ROGDI: variants seen among roughly 807,000 people sequenced by gnomAD.
ROGDI encodes rogdi atypical leucine zipper.
ROGDI carries 46 observed loss-of-function variants against 43.1 expected under a neutral mutation model. The ratio of observed to expected loss-of-function variants is 1.07; its 90% CI spans 0.84 to 1.37. The LOEUF (loss-of-function observed/expected upper bound fraction) is 1.37. ROGDI is among the 40% of genes most tolerant of loss of function. The probability of loss-of-function intolerance (pLI) is 0.00; values close to 1 mark genes in which losing one functional copy is unlikely to be tolerated. For synonymous variants in ROGDI, 243 were observed against 162.0 expected (o/e 1.50, Z -3.80); for missense variants, 518 against 383.9 (o/e 1.35, Z -2.92).
chr16:4,799,887 C>T, intron 5 of ROGDI, 106 bp from the exon 6 acceptor site: 1 of 785,666 alleles, frequency 1.3e-6, no homozygotes, highest in Non-Finnish European at 2.1e-6. Flanking sequence ...TCCACACTGT[C>T]ATCCCTGTGC....
intron 7 of ROGDI, 48 bp from the exon 8 acceptor site, chr16:4,798,232 C>G (rs765163435): frequency 1.3e-6 from 2 of 1,494,626 alleles, no homozygotes; most frequent in African/African-American, 1.4e-5. Flanking sequence ...CCAGCCCAGG[C>G]TGGATGGAGC....
intron 5 of ROGDI, 32 bp from the exon 6 acceptor site, chr16:4,799,813 C>G: frequency 3.3e-6 from 5 of 1,530,302 alleles, no homozygotes; most frequent in Non-Finnish European, 4.5e-6. Context: ...AGGGGTCACG[C>G]CAGCTTCCAT....
chr16:4,800,531 G>A lies in ROGDI; in HGVS notation c.303C>T (p.Ala101=), dbSNP rs760445194. Residue 101 remains alanine, a synonymous_variant, in exon 5 of 11, where the codon GCC becomes GCT. Coordinates refer to ENST00000322048, the MANE Select transcript of ROGDI (RefSeq NM_024589.3). ...MPRNNQLLHF[A]FREDKQWKLQ... ...GCTTCCACTGCTTGTCCTCCCGGAA[G>A]GCGAAGTGCAGCAGCTGGTTGTTCC... The A allele has an allele frequency of 2.6e-6, 4 of 1,563,822 alleles. No homozygotes were observed. The highest frequency in any genetic ancestry group is 3.5e-6 in the Non-Finnish European group (4 of 1,153,412).
At chr16:4,801,621 C>G in intron 2 of ROGDI, 36 bp from the exon 3 acceptor site, 1 of 1,540,346 alleles carries the variant, frequency 6.5e-7, no homozygotes, top group Non-Finnish European at 8.8e-7. Context: ...GCTGGTAGCG[C>G]CCACTCAGGC....
chr16:4,797,036 A>G lies in ROGDI; in HGVS notation c.*424T>C, dbSNP rs1293140949. On this transcript the variant is annotated 3_prime_UTR_variant, in exon 11 of 11. Transcript: ENST00000322048. Reference sequence around the variant, plus strand: ...GCTATGAAACACAGTCACCAGCACTATACTCACTCCTAGGGTGGCTCTGTC... The same window carrying G: ...GCTATGAAACACAGTCACCAGCACTGTACTCACTCCTAGGGTGGCTCTGTC... 1 of 192,876 alleles carries G rather than the reference A, an allele frequency of 5.2e-6. No individual in the cohort carries two copies. The highest frequency in any genetic ancestry group is 2.3e-5 in the African/African-American group (1 of 42,748). The allele number at this position is 192,876 out of a possible 1,614,324, so 11.9% of individuals were successfully genotyped here.
chr16:4,799,219 G>C (rs369127160), intron 6 of ROGDI, among the ~76,000 whole-genome samples: 5 of 152,110 alleles, frequency 3.3e-5, no homozygotes, highest in Non-Finnish European at 7.4e-5. Context: ...CAGGAAACAC[G>C]TAAGAGCTGA....
Position 4,798,568 on chromosome 16 carries a change from C to T in ROGDI, c.531+1G>A. On this transcript the variant is annotated splice_donor_variant, in intron 7 of 10. Transcript: ENST00000322048. LOFTEE classifies it high-confidence loss of function. The stretch of plus-strand genomic sequence containing the variant: ...CAGCAGGGGCTGGCAGGGGCACTGA[C>T]CGTGAGGCCGCTGGCGGCGATCTCG... 6.4e-7 allele frequency: 1 copy of T among 1,552,054 alleles called. No homozygotes were observed. The highest frequency in any genetic ancestry group is 8.7e-7 in the Non-Finnish European group (1 of 1,154,308).
intron 10 of ROGDI, 34 bp from the exon 11 acceptor site, chr16:4,797,535 G>C (rs763217713): frequency 1.6e-6 from 2 of 1,287,856 alleles, no homozygotes; most frequent in African/African-American, 2.4e-5. Context: ...GGTTGCTGAA[G>C]GGGGATGGGG....
chr16:4,797,446 C>G lies in ROGDI; in HGVS notation c.*14G>C, dbSNP rs757087992. The G allele has an allele frequency of 6.2e-7, 1 of 1,611,866 alleles. No homozygotes were observed. Among genetic ancestry groups the G allele is most frequent in the Non-Finnish European group, 8.5e-7 (1 of 1,178,818 alleles). On this transcript the variant is annotated 3_prime_UTR_variant, in exon 11 of 11. Transcript: ENST00000322048. Reference sequence around the variant, plus strand: ...GGGGCCGCCTTCCTGGAGACAAGCTCCTGGGTGCTGTGATCAGAAGGGTCT... The same window carrying G: ...GGGGCCGCCTTCCTGGAGACAAGCTGCTGGGTGCTGTGATCAGAAGGGTCT...
rs775593920 is a variant in ROGDI, at chr16:4,800,594, G to A, written c.256-16C>T. 2 of 1,553,678 alleles carry A rather than the reference G, an allele frequency of 1.3e-6. No homozygotes were observed. Among genetic ancestry groups the A allele is most frequent in the East Asian group, 2.4e-5 (1 of 41,582 alleles). ...GGTTCACATCCTGACAGGCAAGAGT[G>A]GGGTGAGCTGGGCAGTGGGGGGGCA... is the stretch of plus-strand genomic sequence containing the variant. On this transcript the variant is annotated splice_polypyrimidine_tract_variant and intron_variant, in intron 4 of 10. Coordinates refer to ENST00000322048, the MANE Select transcript of ROGDI (RefSeq NM_024589.3).
At position 4,797,974 on chromosome 16, in the gene ROGDI, G is replaced by C. The variant is rs138707436; in HGVS notation, c.659C>G (p.Ala220Gly). 15 of 1,607,690 alleles carry C rather than the reference G, an allele frequency of 9.3e-6. No individual in the cohort carries two copies. In the African/African-American group the frequency reaches 1.6e-4, roughly 17 times the overall value. The change falls in exon 9 of 11, where the codon GCT (alanine) becomes GGT (glycine). Residue 220 changes from alanine to glycine, a missense_variant. Ala to Gly is a moderately conservative substitution (Grantham distance 60, BLOSUM62 0). Transcript: ENST00000322048. ...QPNSTKNFRP[A>G]GGAVLHSPGA... ...AGGGCTATGCAGCACCGCGCCCCCA[G>C]CTGGGCGGAAGTTCTAGGGAGAACA...
chr16:4,801,158 G>C (rs1185154710), intron 4 of ROGDI, 109 bp downstream of exon 4: 2 of 855,210 alleles, frequency 2.3e-6, no homozygotes, highest in South Asian at 3.8e-5. Flanking sequence ...TGAGGCCAGA[G>C]AGATCAAGGG....
At position 4,801,256 on chromosome 16, in the gene ROGDI, G is replaced by C. The variant is rs779818616; in HGVS notation, c.255+11C>G. ...TGGCAGGATGGGAGGGGACAGGGCCGGGGGACTCACCGCCTGGCTGAGGGC... is the reference window on the plus strand; with the variant it reads ...TGGCAGGATGGGAGGGGACAGGGCCCGGGGACTCACCGCCTGGCTGAGGGC... On this transcript the variant is annotated intron_variant, in intron 4 of 10. Coordinates refer to ENST00000322048, the MANE Select transcript of ROGDI (RefSeq NM_024589.3). 1 of 1,598,502 alleles carries C rather than the reference G, an allele frequency of 6.3e-7. No individual in the cohort carries two copies. The highest frequency in any genetic ancestry group is 1.7e-5 in the Admixed American group (1 of 59,006).
At position 4,801,600 on chromosome 16, in the gene ROGDI, G is replaced by A. The variant is rs1031644010; in HGVS notation, c.118-15C>T. Reference sequence around the variant, plus strand: ...AGAGAGGCCTCCTGTGGAACAGAGGGAAGGAGGGGAGCTGGTAGCGCCCAC... The same window carrying A: ...AGAGAGGCCTCCTGTGGAACAGAGGAAAGGAGGGGAGCTGGTAGCGCCCAC... On this transcript the variant is annotated splice_polypyrimidine_tract_variant and intron_variant, in intron 2 of 10. Coordinates refer to ENST00000322048, the MANE Select transcript of ROGDI (RefSeq NM_024589.3). 4.4e-6 allele frequency: 7 copies of A among 1,582,884 alleles called. No individual in the cohort carries two copies. Among genetic ancestry groups the A allele is most frequent in the African/African-American group, 2.7e-5 (2 of 74,502 alleles).
chr16:4,798,229 A>G (rs2082678540), intron 7 of ROGDI, 45 bp from the exon 8 acceptor site: 2 of 1,512,766 alleles, frequency 1.3e-6, no homozygotes, highest in Non-Finnish European at 1.8e-6. Flanking sequence ...CCCCCAGCCC[A>G]GGCTGGATGG....
In ROGDI at chr16:4,799,744, T is replaced by G. The variant is rs1190821261; in HGVS notation, c.374A>C (p.Tyr125Ser). Reference sequence around the variant, plus strand: ...GCTCTGGTCCCGGCTGGTAAGCAGGTAAATGGCTTGGCTCACATGGTTTCT... The same window carrying G: ...GCTCTGGTCCCGGCTGGTAAGCAGGGAAATGGCTTGGCTCACATGGTTTCT... The part of the protein sequence containing the change: ...DARNHVSQAI[Y>S]LLTSRDQSYQ... The change falls in exon 6 of 11, where the codon TAC becomes TCC. Residue 125 changes from tyrosine to serine, a missense_variant. Coordinates refer to ENST00000322048, the MANE Select transcript of ROGDI (RefSeq NM_024589.3). The G allele has an allele frequency of 1.9e-6, 3 of 1,613,402 alleles. No homozygotes were observed. Among genetic ancestry groups the G allele is most frequent in the Non-Finnish European group, 2.5e-6 (3 of 1,179,750 alleles).
In ROGDI at chr16:4,797,144, A is replaced by C; in HGVS notation, c.*316T>G. ...GCCCTCCAGGGGGAGGGGACAGCGAAGGGGAGAGGAGGGAGAGCCCTGCGC... is the reference window on the plus strand; with the variant it reads ...GCCCTCCAGGGGGAGGGGACAGCGACGGGGAGAGGAGGGAGAGCCCTGCGC... On this transcript the variant is annotated 3_prime_UTR_variant, in exon 11 of 11. Transcript: ENST00000322048. The C allele has an allele frequency of 1.3e-5, 4 of 311,778 alleles. No homozygotes were observed. Among genetic ancestry groups the C allele is most frequent in the South Asian group, 4.4e-5 (1 of 22,842 alleles). 19.3% of individuals were successfully genotyped at this position (311,778 alleles called of 1,614,324 possible). A position where few individuals can be genotyped will look rare whatever the true frequency, so the allele number is the denominator to read the frequency against.
At chr16:4,801,862 G>A in intron 2 of ROGDI, 1 of 582,736 alleles carries the variant, frequency 1.7e-6, no homozygotes, top group Non-Finnish European at 3.1e-6. Context: ...CTTGGTTGAG[G>A]GGGAAAGGGG....
rs566499154 is a variant in ROGDI, at chr16:4,801,605, A to G, written c.118-20T>C. The G allele has an allele frequency of 1.3e-6, 2 of 1,578,494 alleles. No individual in the cohort carries two copies. On this transcript the variant is annotated intron_variant, in intron 2 of 10. Transcript: ENST00000322048. ...GGCCTCCTGTGGAACAGAGGGAAGG[A>G]GGGGAGCTGGTAGCGCCCACTCAGG...
Sources: allele counts gnomAD v4.1 joint callset (sites outside exome capture counted in the v4.1 genomes callset), GRCh38; gene constraint gnomAD v4.1.1; transcripts MANE v1.5; gene names NCBI Gene and HGNC (gene_info 2026-07-23, HGNC 2026-07-21).